COL25A1: variants seen among roughly 807,000 people sequenced by gnomAD.
COL25A1 encodes the protein collagen type XXV alpha 1 chain.
In COL25A1, 103 loss-of-function variants were observed where a neutral mutation model predicts 128.4. The observed-to-expected ratio is 0.80, with a 90% CI of 0.68 to 0.94. The LOEUF is 0.94. COL25A1 is among the 40% of genes least tolerant of loss of function. COL25A1 has a pLI of 0.00. For synonymous variants in COL25A1, 279 were observed against 277.2 expected, an observed-to-expected ratio of 1.01 and a Z score of -0.06; for missense variants, 745 against 840.0, an observed-to-expected ratio of 0.89 and a Z score of 1.40.
intron 3 of COL25A1, among the ~76,000 whole-genome samples, chr4:109,296,133 T>C (rs536100917): frequency 1.2e-4 from 19 of 152,226 alleles, no homozygotes; most frequent in Admixed American, 7.2e-4. Context: ...GTGCCTTTTT[T>C]TGTTTCACAT....
intron 15 of COL25A1, 116 bp downstream of exon 15, chr4:108,899,038 C>T: frequency 1.2e-6 from 1 of 853,992 alleles, no homozygotes; most frequent in Non-Finnish European, 1.9e-6. Flanking sequence ...TATTAATCTA[C>T]CCACCCACCC....
At position 108,898,895 on chromosome 4, in the gene COL25A1, C is replaced by T. The variant is rs115560611; in HGVS notation, c.861+259G>A. On this transcript the variant is annotated intron_variant, in intron 15 of 37. Transcript: ENST00000399132. Reference sequence around the variant, plus strand: ...CTTTATTTTTTAAAACTTTTTTTAACCCAAATTTTTGTCTATACATAAGAA... The same window carrying T: ...CTTTATTTTTTAAAACTTTTTTTAATCCAAATTTTTGTCTATACATAAGAA... Among the ~76,000 whole-genome samples the T allele has an allele frequency of 7.7e-3, 1,169 of 152,070 alleles. 10 individuals carry two copies. The highest frequency in any genetic ancestry group is 0.026 in the African/African-American group (1,093 of 41,468).
In COL25A1 at chr4:108,998,439, C is replaced by T. The variant is rs555624035; in HGVS notation, c.438+11919G>A. On this transcript the variant is annotated intron_variant, in intron 6 of 37. Coordinates refer to ENST00000399132, the MANE Select transcript of COL25A1 (RefSeq NM_198721.4). ...TGAAGGACCTCTTCAAGGAGAACTACAAACCACTGTTCAATGAAATAAAAG... is the reference window on the plus strand; with the variant it reads ...TGAAGGACCTCTTCAAGGAGAACTATAAACCACTGTTCAATGAAATAAAAG... 2.0e-5 allele frequency among the ~76,000 whole-genome samples: 3 copies of T among 152,290 alleles called. No homozygotes were observed. The South Asian group carries it at 6.2e-4, about 32-fold the overall frequency.
chr4:109,003,754 C>A (rs568130796), intron 6 of COL25A1, among the ~76,000 whole-genome samples: 1 of 152,084 alleles, frequency 6.6e-6, no homozygotes. Context: ...GAGCCAAGAT[C>A]GCGCCATTGC....
intron 13 of COL25A1, among the ~76,000 whole-genome samples, chr4:108,909,487 A>G (rs1380152775): frequency 6.6e-6 from 1 of 152,244 alleles, no homozygotes; most frequent in Non-Finnish European, 1.5e-5. Context: ...TCTAAAAATG[A>G]TAAATAAGAA....
chr4:108,942,351 A>C, intron 8 of COL25A1: 1 of 1,234,432 alleles, frequency 8.1e-7, no homozygotes, highest in Non-Finnish European at 1.2e-6. Flanking sequence ...AAACAAGCAC[A>C]TACCTAGCAC....
chr4:109,012,185 T>C (rs1190750032), intron 5 of COL25A1, among the ~76,000 whole-genome samples: 1 of 152,248 alleles, frequency 6.6e-6, no homozygotes, highest in Admixed American at 6.5e-5. Context: ...GCTAACTTTA[T>C]TAAAAAAATT....
intron 6 of COL25A1, among the ~76,000 whole-genome samples, chr4:108,993,305 A>G (rs1190081529): frequency 1.3e-5 from 2 of 152,116 alleles, no homozygotes; most frequent in African/African-American, 4.8e-5. Context: ...TGCCTGGCTT[A>G]TTTCACTTAG....
intron 5 of COL25A1, among the ~76,000 whole-genome samples, chr4:109,016,684 A>G (rs900604524): frequency 6.6e-6 from 1 of 152,190 alleles, no homozygotes; most frequent in African/African-American, 2.4e-5. Context: ...AGAGCTGGAC[A>G]TTCGTCAGGA....
At chr4:108,985,047 TCTGA>T (rs1200609448) in intron 6 of COL25A1, among the ~76,000 whole-genome samples, 1 of 152,064 alleles carries the variant, frequency 6.6e-6, no homozygotes, top group Non-Finnish European at 1.5e-5. Flanking sequence ...GCTAGGAGAG[TCTGA>T]CTCTCAGGGC....
At position 108,818,209 on chromosome 4, in the gene COL25A1, A is replaced by G. The variant is rs117065942; in HGVS notation, c.1924-774T>C. 1.1e-3 allele frequency among the ~76,000 whole-genome samples: 164 copies of G among 152,308 alleles called. 2 individuals are homozygous for G. The East Asian group carries it at 0.026, about 25-fold the overall frequency. ...TCCACCAACAAAATGATCATAAAAT[A>G]TGATTTATCATCAATACCAAGCAAA... On this transcript the variant is annotated intron_variant, in intron 36 of 37. Coordinates refer to ENST00000399132, the MANE Select transcript of COL25A1 (RefSeq NM_198721.4).
At chr4:109,147,392 C>G (rs897457856) in intron 3 of COL25A1, among the ~76,000 whole-genome samples, 1 of 152,212 alleles carries the variant, frequency 6.6e-6, no homozygotes, top group Admixed American at 6.5e-5. Context: ...GAATCGCTCA[C>G]TCCTCTGAAC....
At chr4:109,072,876 A>G (rs903039409) in intron 3 of COL25A1, among the ~76,000 whole-genome samples, 6 of 152,162 alleles carry the variant, frequency 3.9e-5, no homozygotes, top group African/African-American at 1.4e-4. Flanking sequence ...AAAACTTTAT[A>G]CTGCTCCGCA....
chr4:109,122,201 C>T (rs1311529433), intron 3 of COL25A1, among the ~76,000 whole-genome samples: 1 of 152,042 alleles, frequency 6.6e-6, no homozygotes, highest in African/African-American at 2.4e-5. Context: ...GTGTTGGCTA[C>T]CTGACATTAT....
At chr4:108,870,916 T>C (rs1738630187) in intron 19 of COL25A1, among the ~76,000 whole-genome samples, 1 of 152,160 alleles carries the variant, frequency 6.6e-6, no homozygotes, top group African/African-American at 2.4e-5. Flanking sequence ...GATTTCATTC[T>C]TTAGAAAAAC....
intron 3 of COL25A1, among the ~76,000 whole-genome samples, chr4:109,072,344 C>T (rs1479045629): frequency 6.6e-6 from 1 of 152,156 alleles, no homozygotes; most frequent in Non-Finnish European, 1.5e-5. Context: ...TTAGGTTGAA[C>T]ATTTTTTATT....
chr4:109,053,789 A>G (rs1761194325), intron 3 of COL25A1, among the ~76,000 whole-genome samples: 1 of 152,212 alleles, frequency 6.6e-6, no homozygotes, highest in South Asian at 2.1e-4. Flanking sequence ...TTTAGAGAAA[A>G]GTTTCAGAAT....
chr4:109,218,361 T>TTTTTTTGTTTG (rs1365678062), intron 3 of COL25A1, among the ~76,000 whole-genome samples: 4 of 132,162 alleles, frequency 3.0e-5, no homozygotes, highest in African/African-American at 6.0e-5. Flanking sequence ...TTTGGGGTTT[T>TTTTTTTGTTTG]TTTTTTTTTT....
At chr4:109,300,392 G>A (rs1725398026) in intron 3 of COL25A1, among the ~76,000 whole-genome samples, 191 bp downstream of exon 3, 2 of 152,088 alleles carry the variant, frequency 1.3e-5, no homozygotes, top group South Asian at 2.1e-4. Flanking sequence ...AACAGGCCTT[G>A]GTATGCTGCT....
Sources: gnomAD v4.1 joint callset for allele counts (sites outside exome capture counted in the v4.1 genomes callset) on GRCh38, gnomAD v4.1.1 for gene constraint, MANE v1.5 for transcripts, NCBI Gene and HGNC (gene_info 2026-07-23, HGNC 2026-07-21) for gene names.